The following ZDHHC18 variants were observed in gnomAD, a reference collection of about 807,000 sequenced individuals.
The protein encoded by ZDHHC18 is zDHHC palmitoyltransferase 18, also known as palmitoyltransferase ZDHHC18.
A neutral mutation model predicts 37.5 loss-of-function variants in ZDHHC18; 23 were observed. That is an observed-to-expected ratio of 0.61 (90% confidence interval 0.44 to 0.87). The LOEUF (loss-of-function observed/expected upper bound fraction) is 0.87, where lower values mean the gene tolerates loss of function less well. Ranked by LOEUF, ZDHHC18 falls within the 40% of genes least tolerant of loss-of-function variation. ZDHHC18 has a pLI of 0.00. For synonymous variants in ZDHHC18, 185 were observed against 218.7 expected (o/e 0.85, Z 1.36); for missense variants, 406 against 525.6 (o/e 0.77, Z 2.22).
intron 7 of ZDHHC18, 110 bp from the exon 8 acceptor site, chr1:26,853,616 T>G (rs2081718049): frequency 3.8e-6 from 4 of 1,057,140 alleles, no homozygotes; most frequent in Non-Finnish European, 5.7e-6. Context: ...TTCCTCAGCC[T>G]TTCTCAGCCT....
At chr1:26,833,539 G>A (rs1034595469) in intron 2 of ZDHHC18, among the ~76,000 whole-genome samples, 1 of 152,310 alleles carries the variant, frequency 6.6e-6, no homozygotes, top group South Asian at 2.1e-4. Context: ...GCCTGGGCGT[G>A]TGTGAGGAAC....
chr1:26,850,597 C>T lies in ZDHHC18; in HGVS notation c.824C>T (p.Thr275Ile). Residue 275 changes from threonine (T) to isoleucine (I), a missense_variant, in exon 5 of 8, where the codon ACA becomes ATA. By Grantham distance (89) the Thr-to-Ile change is moderately conservative (BLOSUM62 -1). Coordinates refer to ENST00000374142, the MANE Select transcript of ZDHHC18 (RefSeq NM_032283.3). This position sits in a 1 kb window ranked among gnomAD's most constrained non-coding sequence, Gnocchi z 6.1. The part of the protein sequence containing the change: ...GSNFLSTLKE[T>I]PASVLELVIC... ...AACTTCCTCTCCACTCTGAAGGAGA[C>T]ACCAGCAAGATATCCTTTGTCAGCT... is the stretch of plus-strand genomic sequence containing the variant. 1 of 1,614,190 alleles carries T rather than the reference C, an allele frequency of 6.2e-7. No homozygotes were observed. The highest frequency in any genetic ancestry group is 8.5e-7 in the Non-Finnish European group (1 of 1,180,042).
intron 2 of ZDHHC18, among the ~76,000 whole-genome samples, chr1:26,843,112 T>C (rs1190630429): frequency 1.3e-5 from 2 of 151,980 alleles, no homozygotes; most frequent in African/African-American, 4.8e-5. Context: ...ATAACTTACT[T>C]AAGTCTTTCC....
chr1:26,830,835 T>G (rs2081586128), intron 1 of ZDHHC18, among the ~76,000 whole-genome samples: 1 of 152,088 alleles, frequency 6.6e-6, no homozygotes, highest in Non-Finnish European at 1.5e-5. Context: ...TAGGCTGGAG[T>G]GCAATGGCAC....
At chr1:26,839,538 A>G (rs926321128) in intron 2 of ZDHHC18, among the ~76,000 whole-genome samples, 1 of 152,144 alleles carries the variant, frequency 6.6e-6, no homozygotes, top group Non-Finnish European at 1.5e-5. Flanking sequence ...AGAGTGAACA[A>G]ATGAGTGCCC....
chr1:26,846,643 T>G (rs1367908257), intron 2 of ZDHHC18, among the ~76,000 whole-genome samples: 1 of 151,694 alleles, frequency 6.6e-6, no homozygotes, highest in Non-Finnish European at 1.5e-5. Context: ...TTATGAAAAT[T>G]TCAAACACAC....
intron 1 of ZDHHC18, among the ~76,000 whole-genome samples, chr1:26,829,083 A>G (rs569393530): frequency 1.6e-4 from 25 of 152,232 alleles, no homozygotes; most frequent in Non-Finnish European, 2.9e-4. Flanking sequence ...ACCATGTTGC[A>G]GTTTGTCCCC....
At chr1:26,836,065 G>A (rs763798130) in intron 2 of ZDHHC18, among the ~76,000 whole-genome samples, 15 of 152,180 alleles carry the variant, frequency 9.9e-5, no homozygotes, top group African/African-American at 2.9e-4. Flanking sequence ...CTGTCTTGCC[G>A]GCTGGTGGGC....
At chr1:26,852,372 C>T (rs1047920557) in intron 6 of ZDHHC18, among the ~76,000 whole-genome samples, 2 of 152,246 alleles carry the variant, frequency 1.3e-5, no homozygotes, top group African/African-American at 4.8e-5. Flanking sequence ...AATGAGGACT[C>T]AGGCTCAGCG....
intron 2 of ZDHHC18, among the ~76,000 whole-genome samples, chr1:26,837,328 AAT>A (rs1221543737): frequency 6.8e-6 from 1 of 147,500 alleles, no homozygotes; most frequent in Non-Finnish European, 1.5e-5. Flanking sequence ...TAACATATTT[AAT>A]ATGTATAATA....
chr1:26,828,662 A>G (rs1270984997), intron 1 of ZDHHC18, among the ~76,000 whole-genome samples: 13 of 151,700 alleles, frequency 8.6e-5, no homozygotes, highest in Middle Eastern at 3.4e-3. Flanking sequence ...ACTTCCTATA[A>G]ATTAGCTTCT....
rs764646154 is a variant in ZDHHC18 at position 26,856,817 on chromosome 1, CCTT to C, written c.*2978_*2980del. 2 of 153,596 alleles carry C rather than the reference CCTT, an allele frequency of 1.3e-5. No individual in the cohort carries two copies. Among genetic ancestry groups the C allele is most frequent in the Non-Finnish European group, 2.9e-5 (2 of 69,064 alleles). The allele number at this position is 153,596 out of a possible 1,614,324, so 9.5% of individuals were successfully genotyped here. Reference sequence around the variant, plus strand: ...CAGGCCTGCTAACCCTCTCTCTTCTCCTTCTTTGCTGTCCTGCCGGGGATCTCC... The same window carrying C: ...CAGGCCTGCTAACCCTCTCTCTTCTCCTTTGCTGTCCTGCCGGGGATCTCC... On this transcript the variant is annotated 3_prime_UTR_variant, in exon 8 of 8. Coordinates refer to ENST00000374142, the MANE Select transcript of ZDHHC18 (RefSeq NM_032283.3). The surrounding 1 kb of genome is among the most constrained non-coding windows in gnomAD (Gnocchi z 5.2).
At chr1:26,847,737 A>G (rs1029048337) in intron 2 of ZDHHC18, among the ~76,000 whole-genome samples, 1 of 149,946 alleles carries the variant, frequency 6.7e-6, no homozygotes, top group Non-Finnish European at 1.5e-5. Context: ...GCTGGAGTGC[A>G]GTGGCGTGAT....
chr1:26,849,837 C>T (rs188787039), intron 3 of ZDHHC18, among the ~76,000 whole-genome samples: 12 of 152,296 alleles, frequency 7.9e-5, no homozygotes, highest in Admixed American at 5.2e-4. Context: ...GTCTTTGTGC[C>T]GGCACTGCTC....
In ZDHHC18 at chr1:26,853,750, G is replaced by A. The variant is rs1158077162; in HGVS notation, c.1074G>A (p.Val358=). 1.2e-6 allele frequency: 2 copies of A among 1,614,076 alleles called. No homozygotes were observed. The highest frequency in any genetic ancestry group is 1.1e-5 in the South Asian group (1 of 91,088). The change falls in exon 8 of 8, where the codon GTG becomes GTA. Residue 358 remains valine (V), a synonymous_variant. Transcript: ENST00000374142. The part of the protein sequence containing the change: ...PPSLIDRRGF[V]QSDTVLPSPI... ...GCCTAATTGACCGGAGGGGATTTGT[G>A]CAGTCCGACACCGTGTTGCCCTCAC...
At chr1:26,834,186 G>A (rs1378070809) in intron 2 of ZDHHC18, among the ~76,000 whole-genome samples, 1 of 152,228 alleles carries the variant, frequency 6.6e-6, no homozygotes, top group African/African-American at 2.4e-5. Flanking sequence ...CAGAGGTCTG[G>A]CTGCCTGGAA....
Position 26,857,389 on chromosome 1 carries a change from A to G in ZDHHC18, c.*3546A>G, listed in dbSNP as rs1480679321. 1 of 152,046 alleles carries G rather than the reference A, an allele frequency of 6.6e-6. No individual in the cohort carries two copies. Among genetic ancestry groups the G allele is most frequent in the African/African-American group, 2.4e-5 (1 of 41,390 alleles). The allele number at this position is 152,046 out of a possible 1,614,324, so 9.4% of individuals were successfully genotyped here. On this transcript the variant is annotated 3_prime_UTR_variant, in exon 8 of 8. Transcript: ENST00000374142. ...CACCTCCCACCCCCAACCCTCCACC[A>G]GAGTAGGTAGGATGTAGGGAGGGTG...
At chr1:26,838,056 G>A (rs1166865941) in intron 2 of ZDHHC18, among the ~76,000 whole-genome samples, 1 of 150,510 alleles carries the variant, frequency 6.6e-6, no homozygotes, top group Non-Finnish European at 1.5e-5. Context: ...GAGTGCAGTG[G>A]TGAGATCTCG....
In ZDHHC18 at chr1:26,850,990, TG is replaced by T; in HGVS notation, c.834-135del. On this transcript the variant is annotated intron_variant, in intron 5 of 7. Coordinates refer to ENST00000374142, the MANE Select transcript of ZDHHC18 (RefSeq NM_032283.3). This position sits in a 1 kb window ranked among gnomAD's most constrained non-coding sequence, Gnocchi z 6.1. ...CCCAGGAGGTGATCCTGCTAAGAAG[TG>T]GGGACTGGGCCACAGGAAGGTTCCA... is the stretch of plus-strand genomic sequence containing the variant. 1 of 774,592 alleles carries T rather than the reference TG, an allele frequency of 1.3e-6. No individual in the cohort carries two copies. Among genetic ancestry groups the T allele is most frequent in the Non-Finnish European group, 2.2e-6 (1 of 464,486 alleles). 48.0% of individuals were successfully genotyped at this position (774,592 alleles called of 1,614,324 possible).
Sources: allele counts gnomAD v4.1 joint callset (sites outside exome capture counted in the v4.1 genomes callset), GRCh38; gene constraint gnomAD v4.1.1; non-coding constraint Gnocchi (gnomAD v3.1); transcripts MANE v1.5; gene names NCBI Gene and HGNC (gene_info 2026-07-23, HGNC 2026-07-21).